The following DCT variants were observed in gnomAD, a reference collection of about 807,000 sequenced individuals.
DCT encodes the protein dopachrome tautomerase, also known as L-dopachrome tautomerase.
DCT carries 47 observed loss-of-function variants against 53.0 expected under a neutral mutation model. The ratio of observed to expected loss-of-function variants is 0.89; its 90% CI spans 0.70 to 1.13. DCT has a LOEUF of 1.13. Among genes scored for constraint, DCT ranks in the 50% most tolerant of loss-of-function variants. The pLI, the probability that DCT is intolerant of heterozygous loss-of-function variation, is 0.00. For missense variants in DCT, 669 were observed against 637.4 expected (o/e 1.05, Z -0.53); for synonymous variants, 244 against 237.0 (o/e 1.03, Z -0.27).
the DCT span, among the ~76,000 whole-genome samples, chr13:94,545,561 G>GA: frequency 6.6e-6 from 1 of 152,024 alleles, no homozygotes; most frequent in African/African-American, 2.4e-5. Flanking sequence ...CTCCCAGTTA[G>GA]CTAACTCCAG....
At chr13:94,529,171 A>G in the DCT span, among the ~76,000 whole-genome samples, 1 of 152,264 alleles carries the variant, frequency 6.6e-6, no homozygotes, top group African/African-American at 2.4e-5. Context: ...AGAGACTTAG[A>G]CTCCCATACA....
intron 6 of DCT, among the ~76,000 whole-genome samples, chr13:94,458,939 C>G (rs1394623508): frequency 6.6e-6 from 1 of 152,044 alleles, no homozygotes; most frequent in African/African-American, 2.4e-5. Flanking sequence ...TGCAGTGGCA[C>G]GATCATGGCT....
chr13:94,467,279 G>A (rs1448932802), intron 2 of DCT: 1 of 152,226 alleles, frequency 6.6e-6, no homozygotes, highest in Admixed American at 6.5e-5. Flanking sequence ...CAATTTTAGT[G>A]AAAAGCTCTG....
chr13:94,521,851 A>G, the DCT span, among the ~76,000 whole-genome samples: 1 of 152,202 alleles, frequency 6.6e-6, no homozygotes, highest in African/African-American at 2.4e-5. Context: ...CCACAATTTT[A>G]GAACATTTGC....
At chr13:94,469,807 G>C (rs893507068) in intron 1 of DCT, among the ~76,000 whole-genome samples, 2 of 152,198 alleles carry the variant, frequency 1.3e-5, no homozygotes, top group Non-Finnish European at 2.9e-5. Flanking sequence ...TGGCCCGGTG[G>C]CTCACGCCTG....
upstream of DCT, among the ~76,000 whole-genome samples, chr13:94,484,351 A>T (rs945289750): frequency 6.6e-6 from 1 of 152,154 alleles, no homozygotes; most frequent in Non-Finnish European, 1.5e-5. Context: ...GAAGTATTTT[A>T]TTTTTACTGC....
the DCT span, among the ~76,000 whole-genome samples, chr13:94,513,173 G>A: frequency 1.3e-5 from 2 of 152,200 alleles, no homozygotes; most frequent in Admixed American, 1.3e-4. Context: ...TCTCTGATGT[G>A]TGCTAGTCAT....
the DCT span, among the ~76,000 whole-genome samples, chr13:94,520,409 G>C: frequency 6.6e-6 from 1 of 152,130 alleles, no homozygotes; most frequent in Non-Finnish European, 1.5e-5. Flanking sequence ...ATTGAGAAAG[G>C]GTAATGACAA....
At chr13:94,518,133 G>A in the DCT span, among the ~76,000 whole-genome samples, 1 of 144,654 alleles carries the variant, frequency 6.9e-6, no homozygotes, top group African/African-American at 2.6e-5. Context: ...AAGGAAGGAA[G>A]GAAGGAAGGA....
chr13:94,488,348 C>G, the DCT span, among the ~76,000 whole-genome samples: 1 of 152,002 alleles, frequency 6.6e-6, no homozygotes, highest in African/African-American at 2.4e-5. Context: ...TTTTAGACAA[C>G]TTTAGTACTA....
chr13:94,542,454 G>C, the DCT span, among the ~76,000 whole-genome samples: 1 of 152,174 alleles, frequency 6.6e-6, no homozygotes, highest in Admixed American at 6.5e-5. Flanking sequence ...GCCTCCCAAA[G>C]TGCTGGGATT....
At chr13:94,501,129 C>T in the DCT span, among the ~76,000 whole-genome samples, 8 of 151,980 alleles carry the variant, frequency 5.3e-5, no homozygotes, top group African/African-American at 7.2e-5. Flanking sequence ...ATTAGCTGGG[C>T]GTGGTGGCGG....
At chr13:94,512,260 C>A in the DCT span, among the ~76,000 whole-genome samples, 1 of 152,130 alleles carries the variant, frequency 6.6e-6, no homozygotes, top group Non-Finnish European at 1.5e-5. Context: ...TTAATAATAA[C>A]TTTATAGAAG....
the DCT span, among the ~76,000 whole-genome samples, chr13:94,525,681 G>T: frequency 6.6e-6 from 1 of 152,278 alleles, no homozygotes; most frequent in Admixed American, 6.5e-5. Context: ...TTACTGAAAA[G>T]ATTTTCTTTT....
the DCT span, among the ~76,000 whole-genome samples, chr13:94,520,217 A>C: frequency 1.3e-5 from 2 of 152,226 alleles, no homozygotes; most frequent in East Asian, 3.8e-4. Flanking sequence ...AGGAAAAGAC[A>C]ACCCTTTGTT....
rs371826250 is a variant in DCT at position 94,443,509 on chromosome 13, G to C, written c.1308C>G (p.Phe436Leu). 78 of 1,613,902 alleles carry C rather than the reference G, an allele frequency of 4.8e-5. No individual in the cohort carries two copies. Among genetic ancestry groups the C allele is most frequent in the Non-Finnish European group, 6.6e-5 (78 of 1,179,920 alleles). ...AGAGTTCTTCATTAGTCACTGGAGG[G>C]AAGAAAGGAACCATGTTGTACATCC... is the stretch of plus-strand genomic sequence containing the variant. ...HNRMYNMVPF[F>L]PPVTNEELFL... Residue 436 changes from phenylalanine to leucine, a missense_variant, in exon 7 of 8, where the codon TTC (phenylalanine) becomes TTG (leucine). Phe to Leu is a conservative substitution (Grantham distance 22, BLOSUM62 0). Coordinates refer to ENST00000377028, the MANE Select transcript of DCT (RefSeq NM_001922.5).
At chr13:94,503,050 T>G in the DCT span, among the ~76,000 whole-genome samples, 3 of 152,160 alleles carry the variant, frequency 2.0e-5, no homozygotes, top group African/African-American at 7.2e-5. Flanking sequence ...CTGGGACCTG[T>G]GAATGTCACT....
intron 6 of DCT, among the ~76,000 whole-genome samples, chr13:94,453,494 T>C (rs1466232341): frequency 6.6e-6 from 1 of 152,232 alleles, no homozygotes; most frequent in African/African-American, 2.4e-5. Flanking sequence ...CTAATTATGA[T>C]TTTTCTTATT....
At chr13:94,529,715 A>G in the DCT span, among the ~76,000 whole-genome samples, 1 of 152,218 alleles carries the variant, frequency 6.6e-6, no homozygotes, top group South Asian at 2.1e-4. Context: ...ACACCCTAAC[A>G]TCACAATTAA....
Sources: gnomAD v4.1 joint callset for allele counts (sites outside exome capture counted in the v4.1 genomes callset) on GRCh38, gnomAD v4.1.1 for gene constraint, MANE v1.5 for transcripts, NCBI Gene and HGNC (gene_info 2026-07-23, HGNC 2026-07-21) for gene names.